WDPCP: variants seen among roughly 807,000 people sequenced by gnomAD.
The protein encoded by WDPCP is WD repeat-containing and planar cell polarity effector protein fritz homolog.
Under a neutral mutation model 93.1 loss-of-function variants are expected in WDPCP, and 71 were observed. The observed-to-expected ratio is 0.76, with a 90% CI of 0.63 to 0.93. The LOEUF (loss-of-function observed/expected upper bound fraction) is 0.93, where lower values mean the gene tolerates loss of function less well. Ranked by LOEUF, WDPCP falls within the 40% of genes least tolerant of loss-of-function variation. The pLI is 0.00. For synonymous variants in WDPCP, 315 were observed against 315.0 expected, an observed-to-expected ratio of 1.00 and a Z score of 0.00; for missense variants, 844 against 887.4, an observed-to-expected ratio of 0.95 and a Z score of 0.62.
chr2:63,125,895 G>A (rs1367992747), intron 17 of WDPCP, among the ~76,000 whole-genome samples: 1 of 149,374 alleles, frequency 6.7e-6, no homozygotes, highest in Non-Finnish European at 1.5e-5. Context: ...ACAGGCGTGA[G>A]CCACCTCGCC....
intron 1 of WDPCP, among the ~76,000 whole-genome samples, chr2:63,537,303 A>G (rs1233511918): frequency 2.0e-5 from 3 of 152,214 alleles, no homozygotes; most frequent in Non-Finnish European, 4.4e-5. Flanking sequence ...ATCATAGTTT[A>G]TGCTGATAAT....
chr2:63,522,075 A>G (rs1276176909), intron 1 of WDPCP, among the ~76,000 whole-genome samples: 1 of 151,976 alleles, frequency 6.6e-6, no homozygotes, highest in Non-Finnish European at 1.5e-5. Context: ...GGATACATGT[A>G]TAGAATGTGC....
intron 3 of WDPCP, among the ~76,000 whole-genome samples, chr2:63,601,664 C>A (rs1245729427): frequency 2.6e-5 from 4 of 152,088 alleles, no homozygotes; most frequent in African/African-American, 4.8e-5. Flanking sequence ...ACTGGATTAG[C>A]TCAAGAGATA....
chr2:63,808,815 A>G (rs1296416847), intron 2 of WDPCP, among the ~76,000 whole-genome samples: 9 of 151,270 alleles, frequency 5.9e-5, no homozygotes, highest in East Asian at 4.0e-4. Flanking sequence ...CGTCTGGGAC[A>G]TGAGGAGCCC....
chr2:63,638,350 T>C (rs1709943437), intron 3 of WDPCP, among the ~76,000 whole-genome samples: 1 of 150,354 alleles, frequency 6.7e-6, no homozygotes, highest in Admixed American at 6.6e-5. Flanking sequence ...CACACACACA[T>C]CCAAGGTATC....
intron 2 of WDPCP, among the ~76,000 whole-genome samples, chr2:63,795,854 C>T (rs946718175): frequency 6.6e-6 from 1 of 152,196 alleles, no homozygotes; most frequent in Non-Finnish European, 1.5e-5. Flanking sequence ...TACTACACAT[C>T]CATCTCCGAT....
intron 9 of WDPCP, among the ~76,000 whole-genome samples, chr2:63,427,650 A>G (rs573415886): frequency 1.3e-5 from 2 of 152,322 alleles, no homozygotes; most frequent in African/African-American, 4.8e-5. Flanking sequence ...CAAATTAACA[A>G]TCTAACATTG....
chr2:63,208,455 C>T (rs1161698285), intron 14 of WDPCP, among the ~76,000 whole-genome samples: 1 of 152,106 alleles, frequency 6.6e-6, no homozygotes, highest in Non-Finnish European at 1.5e-5. Context: ...TTCCTTTTCC[C>T]CCATTGTGCC....
chr2:63,760,697 A>G (rs1465652061), intron 2 of WDPCP, among the ~76,000 whole-genome samples: 2 of 152,160 alleles, frequency 1.3e-5, no homozygotes, highest in African/African-American at 4.8e-5. Flanking sequence ...TTAGGTAGGA[A>G]AAGGGCGAAG....
chr2:63,290,178 A>G (rs1231438288), intron 13 of WDPCP, among the ~76,000 whole-genome samples: 1 of 151,930 alleles, frequency 6.6e-6, no homozygotes, highest in African/African-American at 2.4e-5. Flanking sequence ...TTTGGATTGA[A>G]TATTTTAAAA....
intron 2 of WDPCP, among the ~76,000 whole-genome samples, chr2:63,812,811 T>A (rs977025506): frequency 6.6e-6 from 1 of 152,120 alleles, no homozygotes; most frequent in Non-Finnish European, 1.5e-5. Flanking sequence ...CCCTCAAGTT[T>A]ACAGATATTC....
chr2:63,152,901 G>C lies in WDPCP; in HGVS notation c.2190+13C>G, dbSNP rs1356975976. ...ATTTAAATGTCTAGTAATAAACAGAGAAAGTGTTTTACCTGTTCTCTGCCG... is the reference window on the plus strand; with the variant it reads ...ATTTAAATGTCTAGTAATAAACAGACAAAGTGTTTTACCTGTTCTCTGCCG... On this transcript the variant is annotated intron_variant, in intron 17 of 17. Transcript: ENST00000272321. 1.2e-6 allele frequency: 2 copies of C among 1,609,316 alleles called. No homozygotes were observed. Among genetic ancestry groups the C allele is most frequent in the African/African-American group, 2.7e-5 (2 of 74,782 alleles).
At chr2:63,327,411 A>G (rs368479846) in intron 12 of WDPCP, among the ~76,000 whole-genome samples, 4 of 152,346 alleles carry the variant, frequency 2.6e-5, no homozygotes, top group African/African-American at 9.6e-5. Flanking sequence ...ACAGTGTAAC[A>G]TGCATTATCC....
intron 13 of WDPCP, among the ~76,000 whole-genome samples, chr2:63,265,665 G>A (rs1423800927): frequency 1.3e-5 from 2 of 152,076 alleles, no homozygotes; most frequent in Non-Finnish European, 2.9e-5. Flanking sequence ...TCACTGTGAG[G>A]CCAGCATTAC....
intron 3 of WDPCP, among the ~76,000 whole-genome samples, chr2:63,638,016 G>A (rs903753040): frequency 6.6e-6 from 1 of 152,056 alleles, no homozygotes; most frequent in Non-Finnish European, 1.5e-5. Context: ...ACATTGGATT[G>A]GATTTTATCA....
chr2:63,221,509 A>G (rs1366121772), intron 14 of WDPCP, among the ~76,000 whole-genome samples: 1 of 152,216 alleles, frequency 6.6e-6, no homozygotes, highest in Non-Finnish European at 1.5e-5. Context: ...TTGAGAGGAC[A>G]TGTTTGTTAT....
At chr2:63,344,053 T>C (rs1005991302) in intron 12 of WDPCP, among the ~76,000 whole-genome samples, 1 of 152,176 alleles carries the variant, frequency 6.6e-6, no homozygotes, top group Non-Finnish European at 1.5e-5. Flanking sequence ...TTTTTTTTTC[T>C]TTTTTATGTG....
chr2:63,343,927 TC>T (rs1217777953), intron 12 of WDPCP, among the ~76,000 whole-genome samples: 1 of 152,216 alleles, frequency 6.6e-6, no homozygotes, highest in Non-Finnish European at 1.5e-5. Context: ...TATCCTGGTT[TC>T]CCTTAGTTTA....
chr2:63,490,425 GTT>G (rs1700811714), intron 2 of WDPCP, among the ~76,000 whole-genome samples: 1 of 152,056 alleles, frequency 6.6e-6, no homozygotes, highest in South Asian at 2.1e-4. Context: ...TTTTCTATAA[GTT>G]TGTGATTATT....
Sources: allele counts gnomAD v4.1 joint callset (sites outside exome capture counted in the v4.1 genomes callset), GRCh38; gene constraint gnomAD v4.1.1; transcripts MANE v1.5; gene names NCBI Gene and HGNC (gene_info 2026-07-23, HGNC 2026-07-21).